CACNA2D3: variants seen among roughly 807,000 people sequenced by gnomAD.
CACNA2D3 encodes the protein calcium voltage-gated channel auxiliary subunit alpha2delta 3, also known as voltage-dependent calcium channel subunit alpha-2/delta-3.
CACNA2D3 carries 60 observed loss-of-function variants against 160.6 expected under a neutral mutation model. That is an observed-to-expected ratio of 0.37 (90% CI 0.30 to 0.46). CACNA2D3 has a LOEUF of 0.46. Among genes scored for constraint, CACNA2D3 ranks in the 20% least tolerant of loss-of-function variants. CACNA2D3 has a pLI of 1.00. For synonymous variants in CACNA2D3, 558 were observed against 492.9 expected (o/e 1.13, Z -1.75); for missense variants, 1,205 against 1,365.0 (o/e 0.88, Z 1.85).
Position 55,074,365 on chromosome 3 carries a change from TAAAGATATGTTGAC to T in CACNA2D3, c.*163_*176del. Reference sequence around the variant, plus strand: ...TTAAACTGTGCGTGATATAAACTCTTAAAGATATGTTGACAAAAAGTTATCTATCATCTTTTTAC... The same window carrying T: ...TTAAACTGTGCGTGATATAAACTCTTAAAAAGTTATCTATCATCTTTTTAC... On this transcript the variant is annotated 3_prime_UTR_variant, in exon 38 of 38. Coordinates refer to ENST00000474759, the MANE Select transcript of CACNA2D3 (RefSeq NM_018398.3). 1.6e-6 allele frequency: 1 copy of T among 613,862 alleles called. No individual in the cohort carries two copies. Among genetic ancestry groups the T allele is most frequent in the East Asian group, 2.8e-5 (1 of 35,786 alleles). The allele number at this position is 613,862 out of a possible 1,614,324, so 38.0% of individuals were successfully genotyped here. A position where few individuals can be genotyped will look rare whatever the true frequency, so the allele number is the denominator to read the frequency against.
chr3:54,309,577 T>G (rs9849660), intron 2 of CACNA2D3, among the ~76,000 whole-genome samples: 108,269 of 151,926 alleles, frequency 0.71, 38,715 homozygotes, highest in Middle Eastern at 0.74. Context: ...CCTCCCTGGA[T>G]CTCTGGAATT....
At chr3:54,435,154 T>A (rs960014070) in intron 4 of CACNA2D3, among the ~76,000 whole-genome samples, 1 of 152,094 alleles carries the variant, frequency 6.6e-6, no homozygotes, top group African/African-American at 2.4e-5. Context: ...CCACTCTACC[T>A]AGCATCAATG....
At chr3:54,852,606 T>G (rs1347208305) in intron 17 of CACNA2D3, among the ~76,000 whole-genome samples, 1 of 152,168 alleles carries the variant, frequency 6.6e-6, no homozygotes, top group Non-Finnish European at 1.5e-5. Context: ...ATTCCAAACA[T>G]GGATTCTGCT....
At chr3:54,334,743 G>A (rs958474426) in intron 3 of CACNA2D3, among the ~76,000 whole-genome samples, 41 of 152,180 alleles carry the variant, frequency 2.7e-4, no homozygotes, top group Admixed American at 2.4e-3. Flanking sequence ...AGCAAACATG[G>A]GTCTGGCATG....
chr3:54,541,648 T>A (rs1019283970), intron 5 of CACNA2D3, among the ~76,000 whole-genome samples: 1 of 152,178 alleles, frequency 6.6e-6, no homozygotes, highest in African/African-American at 2.4e-5. Flanking sequence ...TTCTGAGTCT[T>A]GTTGGGCAGT....
chr3:54,879,294 TAGC>T (rs1237303811), intron 19 of CACNA2D3, 53 bp from the exon 20 acceptor site: 10 of 1,345,010 alleles, frequency 7.4e-6, no homozygotes, highest in Non-Finnish European at 1.0e-5. Flanking sequence ...AGACGTCACT[TAGC>T]AGACTAACCA....
chr3:54,521,635 G>A (rs1183334270), intron 5 of CACNA2D3, among the ~76,000 whole-genome samples: 1 of 152,172 alleles, frequency 6.6e-6, no homozygotes, highest in Non-Finnish European at 1.5e-5. Context: ...CTAAGGTCAT[G>A]AAAATTTATT....
intron 14 of CACNA2D3, among the ~76,000 whole-genome samples, chr3:54,827,703 A>G (rs148522217): frequency 6.6e-6 from 1 of 152,316 alleles, no homozygotes; most frequent in East Asian, 1.9e-4. Context: ...TATAATGTGA[A>G]AGAGGGAGCA....
chr3:54,899,867 A>G lies in CACNA2D3; in HGVS notation c.2448A>G (p.Ala816=). The G allele has an allele frequency of 6.3e-7, 1 of 1,591,006 alleles. No homozygotes were observed. The highest frequency in any genetic ancestry group is 8.6e-7 in the Non-Finnish European group (1 of 1,166,504). The change falls in exon 27 of 38, where the codon GCA becomes GCG. Residue 816 remains alanine (A), a splice_region_variant and synonymous_variant. Transcript: ENST00000474759. Reference sequence around the variant, plus strand: ...ATGAACGGAAATCTCCTGTGGTGGCAGGTAAATAATTGATTGAATCCATGA... The same window carrying G: ...ATGAACGGAAATCTCCTGTGGTGGCGGGTAAATAATTGATTGAATCCATGA... ...LLDERKSPVV[A]AVGIQMKLEF...
intron 6 of CACNA2D3, among the ~76,000 whole-genome samples, chr3:54,567,614 C>A (rs1702429039): frequency 6.6e-6 from 1 of 152,166 alleles, no homozygotes; most frequent in Non-Finnish European, 1.5e-5. Flanking sequence ...TGGCTCACTG[C>A]AACCTCTGCT....
intron 11 of CACNA2D3, among the ~76,000 whole-genome samples, chr3:54,664,319 C>T (rs1440381783): frequency 1.3e-5 from 2 of 152,222 alleles, no homozygotes; most frequent in African/African-American, 4.8e-5. Context: ...TCCCCAAGGT[C>T]TCCTTGTATC....
At chr3:54,722,008 C>A (rs1190678594) in intron 11 of CACNA2D3, among the ~76,000 whole-genome samples, 1 of 152,118 alleles carries the variant, frequency 6.6e-6, no homozygotes, top group Non-Finnish European at 1.5e-5. Context: ...AGAGTGTTTT[C>A]CAACTTGGTT....
intron 2 of CACNA2D3, among the ~76,000 whole-genome samples, chr3:54,318,620 A>G (rs574840601): frequency 1.2e-4 from 18 of 151,598 alleles, no homozygotes; most frequent in African/African-American, 3.2e-4. Context: ...CACTTCCCCT[A>G]TGCCAGTGAA....
At chr3:55,059,915 C>G (rs1473143249) in intron 35 of CACNA2D3, among the ~76,000 whole-genome samples, 1 of 152,028 alleles carries the variant, frequency 6.6e-6, no homozygotes. Flanking sequence ...TTCTTCTCTC[C>G]TCTGCCAGGC....
chr3:54,866,781 A>G (rs564146468), intron 17 of CACNA2D3, among the ~76,000 whole-genome samples: 2 of 152,352 alleles, frequency 1.3e-5, no homozygotes, highest in Admixed American at 1.3e-4. Context: ...AAATATGGCC[A>G]GGAAGGCTCT....
At chr3:54,852,309 C>T (rs1042332580) in intron 17 of CACNA2D3, among the ~76,000 whole-genome samples, 1 of 152,262 alleles carries the variant, frequency 6.6e-6, no homozygotes, top group African/African-American at 2.4e-5. Flanking sequence ...GCCATCTAGA[C>T]TTCCGCAGAC....
At chr3:54,263,629 G>C (rs1702444072) in intron 2 of CACNA2D3, among the ~76,000 whole-genome samples, 1 of 152,176 alleles carries the variant, frequency 6.6e-6, no homozygotes. Flanking sequence ...TGACAGATGT[G>C]TGATTCACTG....
chr3:54,834,564 T>C (rs1157166817), intron 14 of CACNA2D3, among the ~76,000 whole-genome samples: 1 of 152,252 alleles, frequency 6.6e-6, no homozygotes, highest in African/African-American at 2.4e-5. Flanking sequence ...CAACACTAAC[T>C]GTCAGCATCA....
chr3:54,446,229 A>G (rs145440233), intron 4 of CACNA2D3, among the ~76,000 whole-genome samples: 1 of 152,170 alleles, frequency 6.6e-6, no homozygotes, highest in Non-Finnish European at 1.5e-5. Context: ...TTTAACATCC[A>G]TATGTGATAG....
Sources: gnomAD v4.1 joint callset for allele counts (sites outside exome capture counted in the v4.1 genomes callset) on GRCh38, gnomAD v4.1.1 for gene constraint, MANE v1.5 for transcripts, NCBI Gene and HGNC (gene_info 2026-07-23, HGNC 2026-07-21) for gene names.